AK9: variants seen among roughly 807,000 people sequenced by gnomAD.
AK9 encodes adenylate kinase 9.
Under a neutral mutation model 239.6 loss-of-function variants are expected in AK9, and 191 were observed. The observed-to-expected ratio is 0.80, with a 90% confidence interval of 0.71 to 0.90. The LOEUF is 0.90. Ranked by LOEUF, AK9 falls within the 40% of genes least tolerant of loss-of-function variation. AK9 has a pLI of 0.00. For synonymous variants in AK9, 689 were observed against 721.0 expected (o/e 0.96, Z 0.71); for missense variants, 1,995 against 2,214.7 (o/e 0.90, Z 1.99).
chr6:109,668,174 T>G (rs1801524026), intron 5 of AK9, among the ~76,000 whole-genome samples: 1 of 152,214 alleles, frequency 6.6e-6, no homozygotes. Context: ...TTTTTTCATG[T>G]GTCTGTTGGC....
chr6:109,653,680 T>TCTC lies in AK9; in HGVS notation c.759+3075_759+3076insGAG, dbSNP rs767535280. 3.7e-4 allele frequency among the ~76,000 whole-genome samples: 33 copies of TCTC among 88,064 alleles called. No individual in the cohort carries two copies. In the South Asian group the frequency reaches 6.8e-3, roughly 18 times the overall value. The allele number at this position is 88,064 out of a possible 152,430, so 57.8% of individuals were successfully genotyped here. A position where few individuals can be genotyped will look rare whatever the true frequency, so the allele number is the denominator to read the frequency against. ...TTTCCTTTCTTGTTTAGATTTTTTT[T>TCTC]TTTTTCTCTCTCTTTCTTTTTTGTA... On this transcript the variant is annotated intron_variant, in intron 8 of 40. Transcript: ENST00000424296.
chr6:109,516,555 G>C lies in AK9; in HGVS notation c.3721C>G (p.Pro1241Ala), dbSNP rs1310842050. 2.6e-6 allele frequency: 4 copies of C among 1,551,246 alleles called. No homozygotes were observed. The Admixed American group carries it at 7.8e-5, about 30-fold the overall frequency. The stretch of plus-strand genomic sequence containing the variant: ...CCACTCATCTCTTCCTCATCTTTTG[G>C]AAACTCATCTTCAAGGATGTTTTCA... ...DIENILEDEF[P>A]KDEEEMSGEE... is the part of the protein sequence containing the mutation. Residue 1241 changes from proline to alanine, a missense_variant, in exon 30 of 41, where the codon CCA (proline) becomes GCA (alanine). Pro to Ala is a conservative substitution (Grantham distance 27). Around this residue, in one of 5 missense-constraint regions of AK9, gnomAD observed 1,290 missense variants for 1,392.7 expected, o/e 0.93. Transcript: ENST00000424296.
intron 19 of AK9, among the ~76,000 whole-genome samples, chr6:109,584,312 A>G (rs977848207): frequency 2.0e-5 from 3 of 152,132 alleles, no homozygotes; most frequent in Non-Finnish European, 2.9e-5. Flanking sequence ...AATATTTGAA[A>G]GGGAAAAGGA....
At chr6:109,523,758 T>C (rs1780120948) in intron 29 of AK9, among the ~76,000 whole-genome samples, 1 of 152,144 alleles carries the variant, frequency 6.6e-6, no homozygotes, top group Non-Finnish European at 1.5e-5. Context: ...CAAAGTCAAT[T>C]TGTCCAAGAC....
At chr6:109,571,178 C>T (rs1294990987) in intron 21 of AK9, among the ~76,000 whole-genome samples, 1 of 152,082 alleles carries the variant, frequency 6.6e-6, no homozygotes, top group African/African-American at 2.4e-5. Flanking sequence ...ATTAAAATCT[C>T]AAGAATAGGG....
At chr6:109,589,829 T>A (rs1441045746) in intron 17 of AK9, among the ~76,000 whole-genome samples, 4 of 152,120 alleles carry the variant, frequency 2.6e-5, no homozygotes, top group African/African-American at 9.7e-5. Flanking sequence ...TATCACATAG[T>A]TTTTTGTTTT....
At chr6:109,663,396 CTA>C (rs1800711274) in intron 5 of AK9, among the ~76,000 whole-genome samples, 2 of 152,146 alleles carry the variant, frequency 1.3e-5, no homozygotes, top group Non-Finnish European at 2.9e-5. Context: ...AACAGACAAA[CTA>C]TGTTTATTCA....
At chr6:109,526,559 G>A (rs1302930615) in intron 29 of AK9, among the ~76,000 whole-genome samples, 32 of 152,070 alleles carry the variant, frequency 2.1e-4, no homozygotes, top group Non-Finnish European at 2.9e-5. Context: ...AGAAGCTTGT[G>A]CCAGGAGAGC....
intron 1 of AK9, among the ~76,000 whole-genome samples, chr6:109,687,516 T>G (rs140546094): frequency 2.0e-5 from 3 of 152,184 alleles, no homozygotes; most frequent in Non-Finnish European, 4.4e-5. Flanking sequence ...TAAGCTGCCA[T>G]GTTGTGAGAG....
At chr6:109,663,285 G>A (rs1246399837) in intron 5 of AK9, among the ~76,000 whole-genome samples, 1 of 151,932 alleles carries the variant, frequency 6.6e-6, no homozygotes, top group Non-Finnish European at 1.5e-5. Context: ...TTATGTTACT[G>A]TCTTGCTCAA....
intron 29 of AK9, among the ~76,000 whole-genome samples, chr6:109,521,256 C>A (rs1261328178): frequency 2.0e-5 from 3 of 151,884 alleles, no homozygotes; most frequent in African/African-American, 7.3e-5. Context: ...CTCTTTTGAC[C>A]CTTGTGATAT....
intron 21 of AK9, 69 bp downstream of exon 21, chr6:109,573,373 A>AT (rs1181411861): frequency 6.9e-7 from 1 of 1,449,460 alleles, no homozygotes; most frequent in East Asian, 2.5e-5. Context: ...AGGTATACAT[A>AT]CACATACCCA....
intron 17 of AK9, among the ~76,000 whole-genome samples, chr6:109,596,736 C>T (rs1428754776): frequency 6.6e-6 from 1 of 152,206 alleles, no homozygotes; most frequent in African/African-American, 2.4e-5. Flanking sequence ...CTTCTTTATC[C>T]AGTCCTCCAT....
chr6:109,585,727 T>G (rs1373693538), intron 18 of AK9, among the ~76,000 whole-genome samples, 189 bp downstream of exon 18: 1 of 152,180 alleles, frequency 6.6e-6, no homozygotes, highest in Non-Finnish European at 1.5e-5. Flanking sequence ...CATTCAACCA[T>G]CCGGCACTTA....
intron 10 of AK9, among the ~76,000 whole-genome samples, chr6:109,639,773 C>T (rs1235025774): frequency 6.6e-6 from 1 of 152,118 alleles, no homozygotes; most frequent in Non-Finnish European, 1.5e-5. Context: ...AGGGTTTTTA[C>T]AGTTTTAGGT....
chr6:109,499,634 C>G (rs1777401425), intron 35 of AK9, among the ~76,000 whole-genome samples: 1 of 151,934 alleles, frequency 6.6e-6, no homozygotes, highest in South Asian at 2.1e-4. Flanking sequence ...GAGTCTCGCT[C>G]TGTCACCCAG....
chr6:109,639,493 G>A (rs1368805483), intron 10 of AK9, among the ~76,000 whole-genome samples: 7 of 152,088 alleles, frequency 4.6e-5, no homozygotes, highest in African/African-American at 1.4e-4. Context: ...ACTTTTTGAT[G>A]GGGTTGTTTT....
In AK9 at chr6:109,612,062, AAATGTG is replaced by A; in HGVS notation, c.1635_1640del (p.Thr546_Phe547del). On this transcript the variant is annotated inframe_deletion, in exon 16 of 41. Coordinates refer to ENST00000424296, the MANE Select transcript of AK9 (RefSeq NM_001145128.3). The stretch of plus-strand genomic sequence containing the variant: ...GACTAGCATCTTGAGAATGCCTTTT[AAATGTG>A]AATGTTTCACCAGTTTCTTTTCCAT... 1 of 1,541,562 alleles carries A rather than the reference AAATGTG, an allele frequency of 6.5e-7. No individual in the cohort carries two copies. The highest frequency in any genetic ancestry group is 2.0e-5 in the Admixed American group (1 of 49,084).
chr6:109,627,559 T>C (rs1431606366), intron 12 of AK9, among the ~76,000 whole-genome samples: 1 of 152,212 alleles, frequency 6.6e-6, no homozygotes, highest in Non-Finnish European at 1.5e-5. Flanking sequence ...TGGCTATGAC[T>C]TCACTAGGCG....
Sources: gnomAD v4.1 joint callset for allele counts (sites outside exome capture counted in the v4.1 genomes callset) on GRCh38, gnomAD v4.1.1 for gene constraint, gnomAD v4.1.1 regional missense constraint, MANE v1.5 for transcripts, NCBI Gene and HGNC (gene_info 2026-07-23, HGNC 2026-07-21) for gene names.